AKAP19: variants seen among roughly 807,000 people sequenced by gnomAD.
AKAP19 encodes the protein A-kinase anchoring protein 19.
chr2:189,941,375 A>G, the AKAP19 span, among the ~76,000 whole-genome samples: 1 of 152,248 alleles, frequency 6.6e-6, no homozygotes, highest in Non-Finnish European at 1.5e-5. Context: ...TGAAGGCCAA[A>G]AGACAAGTGT....
the AKAP19 span, among the ~76,000 whole-genome samples, chr2:190,123,970 A>G: frequency 6.6e-6 from 1 of 152,024 alleles, no homozygotes; most frequent in Non-Finnish European, 1.5e-5. Context: ...GGACAACAGA[A>G]CTCCAGGGAT....
At chr2:190,035,029 GC>G in the AKAP19 span, among the ~76,000 whole-genome samples, 1 of 151,902 alleles carries the variant, frequency 6.6e-6, no homozygotes, top group East Asian at 1.9e-4. Flanking sequence ...CATTGTCCCT[GC>G]CCCCAGATTA....
the AKAP19 span, among the ~76,000 whole-genome samples, chr2:189,961,370 G>A: frequency 1.3e-5 from 2 of 152,138 alleles, no homozygotes; most frequent in African/African-American, 4.8e-5. Context: ...TGGCTTCACA[G>A]CATAGGAGTG....
chr2:190,114,894 T>G, the AKAP19 span, among the ~76,000 whole-genome samples: 1 of 152,146 alleles, frequency 6.6e-6, no homozygotes, highest in Non-Finnish European at 1.5e-5. Context: ...ATTGTTACCT[T>G]CTTTTTGTCT....
chr2:190,016,737 G>T, the AKAP19 span, among the ~76,000 whole-genome samples: 1 of 152,282 alleles, frequency 6.6e-6, no homozygotes, highest in South Asian at 2.1e-4. Flanking sequence ...TCCCATGGGT[G>T]CTTAAGAATA....
chr2:190,043,146 T>A, the AKAP19 span, among the ~76,000 whole-genome samples: 2 of 152,298 alleles, frequency 1.3e-5, no homozygotes, highest in South Asian at 4.2e-4. Flanking sequence ...ATTTTGACCT[T>A]GGAAAATCTG....
At chr2:189,997,572 C>T in the AKAP19 span, among the ~76,000 whole-genome samples, 2 of 152,176 alleles carry the variant, frequency 1.3e-5, no homozygotes, top group African/African-American at 2.4e-5. Context: ...TGATAGGCCT[C>T]ACCCAGCTCC....
chr2:190,098,203 C>G, the AKAP19 span, among the ~76,000 whole-genome samples: 1 of 152,158 alleles, frequency 6.6e-6, no homozygotes, highest in African/African-American at 2.4e-5. Context: ...GAATCACCGT[C>G]TATGGCAACT....
chr2:189,906,332 A>G, the AKAP19 span, among the ~76,000 whole-genome samples: 2 of 152,112 alleles, frequency 1.3e-5, no homozygotes, highest in African/African-American at 4.8e-5. Context: ...TGAAGAATAC[A>G]GAATATAAAA....
the AKAP19 span, among the ~76,000 whole-genome samples, chr2:190,169,902 C>G: frequency 6.6e-6 from 1 of 152,156 alleles, no homozygotes; most frequent in African/African-American, 2.4e-5. Context: ...TGAAATTAAG[C>G]CTGCCAAGAC....
the AKAP19 span, among the ~76,000 whole-genome samples, chr2:189,915,481 A>C: frequency 6.6e-6 from 1 of 152,252 alleles, no homozygotes; most frequent in African/African-American, 2.4e-5. Context: ...TATATGAAAA[A>C]ACTGGGACCT....
At chr2:190,085,155 G>A in the AKAP19 span, among the ~76,000 whole-genome samples, 3 of 152,160 alleles carry the variant, frequency 2.0e-5, no homozygotes, top group African/African-American at 7.2e-5. Context: ...GTGCTTGAGG[G>A]GAGGGAAAGG....
the AKAP19 span, among the ~76,000 whole-genome samples, chr2:190,029,055 ATT>A: frequency 1.4e-5 from 2 of 144,718 alleles, no homozygotes; most frequent in East Asian, 2.0e-4. Flanking sequence ...ACCTGTAAGG[ATT>A]TTTTTTTTTT....
the AKAP19 span, among the ~76,000 whole-genome samples, chr2:189,886,605 A>C: frequency 1.3e-5 from 2 of 152,236 alleles, no homozygotes; most frequent in Non-Finnish European, 2.9e-5. Flanking sequence ...ATAGAAATGC[A>C]GGAGGGATCA....
the AKAP19 span, among the ~76,000 whole-genome samples, chr2:189,971,858 G>T: frequency 6.6e-6 from 1 of 151,080 alleles, no homozygotes; most frequent in African/African-American, 2.4e-5. Context: ...ATTTGTTTGA[G>T]TTCTTTGTAG....
the AKAP19 span, among the ~76,000 whole-genome samples, chr2:189,920,065 A>C: frequency 1.3e-5 from 2 of 152,212 alleles, no homozygotes; most frequent in Non-Finnish European, 2.9e-5. Context: ...AATCAGGATA[A>C]TTTACTTTCC....
At chr2:189,896,290 G>A in the AKAP19 span, among the ~76,000 whole-genome samples, 1 of 152,084 alleles carries the variant, frequency 6.6e-6, no homozygotes, top group African/African-American at 2.4e-5. Context: ...TAACAAGAAT[G>A]TTGAGTTTAT....
chr2:189,895,475 G>A, the AKAP19 span, among the ~76,000 whole-genome samples: 6 of 151,960 alleles, frequency 3.9e-5, no homozygotes, highest in African/African-American at 7.3e-5. Flanking sequence ...AATCAAACTA[G>A]TCTCTTCTAG....
At chr2:189,930,084 C>T in the AKAP19 span, among the ~76,000 whole-genome samples, 3 of 152,162 alleles carry the variant, frequency 2.0e-5, no homozygotes, top group Non-Finnish European at 2.9e-5. Context: ...TACCATCCTA[C>T]TTTTCTCTCT....
Sources: allele counts gnomAD v4.1 joint callset (sites outside exome capture counted in the v4.1 genomes callset), GRCh38; gene constraint gnomAD v4.1.1; transcripts MANE v1.5; gene names NCBI Gene and HGNC (gene_info 2026-07-23, HGNC 2026-07-21).